RBMS3: variants seen among roughly 807,000 people sequenced by gnomAD.
RBMS3 encodes RNA binding motif single stranded interacting protein 3.
A neutral mutation model predicts 66.8 loss-of-function variants in RBMS3; 27 were observed. The ratio of observed to expected loss-of-function variants is 0.40; its 90% CI spans 0.30 to 0.56. The LOEUF is 0.56. RBMS3 is among the 20% of genes least tolerant of loss of function. The pLI is 0.40. For synonymous variants in RBMS3, 188 were observed against 183.0 expected (o/e 1.03, Z -0.22); for missense variants, 513 against 549.5 (o/e 0.93, Z 0.66).
intron 1 of RBMS3, among the ~76,000 whole-genome samples, chr3:29,394,648 A>G (rs1031748552): frequency 6.6e-6 from 1 of 152,182 alleles, no homozygotes; most frequent in Admixed American, 6.5e-5. Flanking sequence ...TTCACAATTT[A>G]TGTTCTTTGC....
chr3:29,721,673 A>G (rs1421305148), intron 4 of RBMS3, among the ~76,000 whole-genome samples: 1 of 152,146 alleles, frequency 6.6e-6, no homozygotes, highest in East Asian at 1.9e-4. Flanking sequence ...TCACAAAACT[A>G]TGATGTTTCC....
chr3:29,869,033 G>C, intron 7 of RBMS3, 69 bp downstream of exon 7: 3 of 1,270,572 alleles, frequency 2.4e-6, no homozygotes, highest in Non-Finnish European at 3.3e-6. Context: ...TGGCAAGGCA[G>C]ACGTATGGTG....
At chr3:29,909,621 G>A (rs1234146607) in intron 10 of RBMS3, among the ~76,000 whole-genome samples, 1 of 152,044 alleles carries the variant, frequency 6.6e-6, no homozygotes, top group East Asian at 1.9e-4. Context: ...TAAATTCTCA[G>A]ATAATGGTGG....
At chr3:29,944,432 G>GATATA (rs2149704763) in intron 12 of RBMS3, among the ~76,000 whole-genome samples, 178 bp downstream of exon 12, 1 of 151,700 alleles carries the variant, frequency 6.6e-6, no homozygotes, top group East Asian at 2.0e-4. Flanking sequence ...TTATAATTCA[G>GATATA]TTATATATCT....
intron 5 of RBMS3, among the ~76,000 whole-genome samples, chr3:29,761,651 T>C (rs2055694048): frequency 6.6e-6 from 1 of 152,182 alleles, no homozygotes; most frequent in Admixed American, 6.5e-5. Flanking sequence ...TAGCATATTT[T>C]TTTTGTATCT....
intron 13 of RBMS3, among the ~76,000 whole-genome samples, chr3:29,990,182 T>C (rs867235540): frequency 7.5e-5 from 11 of 146,550 alleles, no homozygotes; most frequent in Non-Finnish European, 1.2e-4. Context: ...TACCAAATAG[T>C]AAATTAGGAA....
At chr3:29,568,044 T>C (rs764764172) in intron 3 of RBMS3, among the ~76,000 whole-genome samples, 1 of 152,220 alleles carries the variant, frequency 6.6e-6, no homozygotes, top group Non-Finnish European at 1.5e-5. Context: ...CCAAGGGTTA[T>C]GAGACTTTAA....
chr3:29,752,793 GAAAATT>G (rs1230057611), intron 5 of RBMS3, among the ~76,000 whole-genome samples: 1 of 152,094 alleles, frequency 6.6e-6, no homozygotes, highest in Non-Finnish European at 1.5e-5. Context: ...ACTCTTAGGT[GAAAATT>G]TACCTCCCAA....
intron 12 of RBMS3, among the ~76,000 whole-genome samples, chr3:29,985,404 G>GAAA (rs61097302): frequency 1.2e-4 from 18 of 148,846 alleles, no homozygotes; most frequent in South Asian, 1.1e-3. Context: ...ACTGGGGTAT[G>GAAA]AAAAAAAAAA....
chr3:29,585,497 A>C (rs1045178864), intron 3 of RBMS3, among the ~76,000 whole-genome samples: 12 of 152,016 alleles, frequency 7.9e-5, no homozygotes. Context: ...GATTCTTGTC[A>C]AGTTGGATCA....
chr3:29,747,412 A>AGAT (rs2054965386), intron 5 of RBMS3, among the ~76,000 whole-genome samples: 1 of 150,840 alleles, frequency 6.6e-6, no homozygotes, highest in Admixed American at 6.6e-5. Flanking sequence ...ATAGATAGAT[A>AGAT]GATAGATAGA....
intron 4 of RBMS3, among the ~76,000 whole-genome samples, chr3:29,701,950 G>C (rs1310380275): frequency 1.3e-5 from 2 of 152,204 alleles, no homozygotes; most frequent in Non-Finnish European, 2.9e-5. Context: ...CTGGTGGGCA[G>C]CTCTGCCCGC....
chr3:29,988,103 A>G (rs1480324621), intron 12 of RBMS3, 40 bp from the exon 13 acceptor site: 10 of 1,486,786 alleles, frequency 6.7e-6, no homozygotes, highest in Non-Finnish European at 8.4e-6. Flanking sequence ...CACTGGTTGC[A>G]GCTCAAAGTT....
chr3:29,663,655 A>G (rs1016459635), intron 4 of RBMS3, among the ~76,000 whole-genome samples: 4 of 152,230 alleles, frequency 2.6e-5, no homozygotes, highest in African/African-American at 7.2e-5. Flanking sequence ...AGAAGACTAT[A>G]CTATCTAACA....
intron 1 of RBMS3, among the ~76,000 whole-genome samples, chr3:29,310,190 A>G (rs1261580625): frequency 3.3e-5 from 5 of 151,750 alleles, no homozygotes; most frequent in Admixed American, 3.3e-4. Context: ...AGAGAGGAAG[A>G]AAGAGATGGT....
At chr3:29,987,454 A>G (rs1698466182) in intron 12 of RBMS3, among the ~76,000 whole-genome samples, 1 of 152,202 alleles carries the variant, frequency 6.6e-6, no homozygotes, top group Non-Finnish European at 1.5e-5. Context: ...ACTTAGCAAA[A>G]AATGATTTGG....
chr3:29,595,306 G>A (rs2047904658), intron 4 of RBMS3, among the ~76,000 whole-genome samples: 2 of 151,258 alleles, frequency 1.3e-5, no homozygotes, highest in Non-Finnish European at 2.9e-5. Context: ...GGCTGAGGCA[G>A]GAGAATCACT....
chr3:29,570,749 C>T (rs576474447), intron 3 of RBMS3, among the ~76,000 whole-genome samples: 24 of 152,216 alleles, frequency 1.6e-4, no homozygotes, highest in Admixed American at 1.6e-3. Flanking sequence ...AGGTTGCTTC[C>T]AAATCTTGGC....
chr3:29,501,118 A>G (rs78810806), intron 3 of RBMS3, among the ~76,000 whole-genome samples: 3,402 of 152,270 alleles, frequency 0.022, 95 homozygotes, highest in Admixed American at 0.088. Context: ...GTAATTTAAG[A>G]TAAGTAAGAA....
Sources: gnomAD v4.1 joint callset for allele counts (sites outside exome capture counted in the v4.1 genomes callset) on GRCh38, gnomAD v4.1.1 for gene constraint, MANE v1.5 for transcripts, NCBI Gene and HGNC (gene_info 2026-07-23, HGNC 2026-07-21) for gene names.